The following CACNA1S variants were observed in gnomAD, a reference collection of about 807,000 sequenced individuals.
The protein encoded by CACNA1S is voltage-dependent L-type calcium channel subunit alpha-1S.
In CACNA1S, 126 loss-of-function variants were observed where a neutral mutation model predicts 207.4. That is an observed-to-expected ratio of 0.61 (90% CI 0.53 to 0.70). CACNA1S has a LOEUF of 0.70. CACNA1S is among the 30% of genes least tolerant of loss of function. CACNA1S has a pLI of 0.00. For missense variants in CACNA1S, 2,349 were observed against 2,422.8 expected (o/e 0.97, Z 0.64); for synonymous variants, 960 against 932.7 (o/e 1.03, Z -0.53).
rs769839888 is a variant in CACNA1S at position 201,043,505 on chromosome 1, C to T, written c.4824G>A (p.Val1608=). ...AGTTGGTCCTTTCCAGGAAGTTGTC[C>T]ACCTGGCCAAACAGGCCTCCAGTCC... ...FRRTGGLFGQ[V]DNFLERTNSL... The change falls in exon 40 of 44, where the codon GTG becomes GTA. Residue 1608 remains valine, a synonymous_variant. Transcript: ENST00000362061. 1 of 1,613,882 alleles carries T rather than the reference C, an allele frequency of 6.2e-7. No individual in the cohort carries two copies. The highest frequency in any genetic ancestry group is 1.7e-5 in the Admixed American group (1 of 59,986).
chr1:201,083,028 T>C, intron 10 of CACNA1S, 134 bp downstream of exon 10: 1 of 931,440 alleles, frequency 1.1e-6, no homozygotes, highest in Non-Finnish European at 1.7e-6. Context: ...GCACTCATGG[T>C]CCATAATTTT....
At chr1:201,076,039 G>A (rs554184747) in intron 12 of CACNA1S, among the ~76,000 whole-genome samples, 1 of 152,326 alleles carries the variant, frequency 6.6e-6, no homozygotes, top group South Asian at 2.1e-4. Flanking sequence ...CTACACTCCA[G>A]TCTGGGTGAC....
chr1:201,066,958 G>A lies in CACNA1S; in HGVS notation c.2586C>T (p.Ser862=), dbSNP rs1268138898. 6.2e-7 allele frequency: 1 copy of A among 1,614,186 alleles called. No individual in the cohort carries two copies. The highest frequency in any genetic ancestry group is 8.5e-7 in the Non-Finnish European group (1 of 1,179,998). Reference sequence around the variant, plus strand: ...GCATGTTGAAGTAATTGCGGCAGAAGGAACCCTTGTGCAGGAAGGCTCCGT... The same window carrying A: ...GCATGTTGAAGTAATTGCGGCAGAAAGAACCCTTGTGCAGGAAGGCTCCGT... ...TTYGAFLHKG[S]FCRNYFNMLD... The change falls in exon 20 of 44, where the codon TCC becomes TCT. Residue 862 remains serine (S), a synonymous_variant. Transcript: ENST00000362061. This position sits in a 1 kb window ranked among gnomAD's most constrained non-coding sequence, Gnocchi z 4.3.
chr1:201,083,460 C>A, intron 9 of CACNA1S, 138 bp from the exon 10 acceptor site: 8 of 846,094 alleles, frequency 9.5e-6, no homozygotes, highest in South Asian at 5.5e-5. Context: ...AAGCTCAGGG[C>A]ATGAGCTAGG....
rs1309694982 is a variant in CACNA1S, at chr1:201,061,452, T to C, written c.3070A>G (p.Ile1024Val). 2 of 1,614,206 alleles carry C rather than the reference T, an allele frequency of 1.2e-6. No individual in the cohort carries two copies. The highest frequency in any genetic ancestry group is 1.7e-6 in the Non-Finnish European group (2 of 1,180,020). Residue 1024 changes from isoleucine (I) to valine (V), a missense_variant, in exon 25 of 44, where the codon ATA becomes GTA. Ile to Val is a conservative substitution (Grantham distance 29, BLOSUM62 3). Coordinates refer to ENST00000362061, the MANE Select transcript of CACNA1S (RefSeq NM_000069.3). ...EGWPQLLYKA[I>V]DSNAEDVGPI... ...CCCACGTCCTCCGCATTGGAGTCTA[T>C]GGCCTTGTACAGCAGCCTGGGGGTG...
At chr1:201,102,953 T>C (rs1662734744) in intron 2 of CACNA1S, among the ~76,000 whole-genome samples, 2 of 152,258 alleles carry the variant, frequency 1.3e-5, no homozygotes, top group East Asian at 3.9e-4. Context: ...AGGAAGGGAA[T>C]GAACATTTAT....
chr1:201,085,726 C>A (rs1572057333), intron 7 of CACNA1S, 145 bp from the exon 8 acceptor site: 1 of 867,298 alleles, frequency 1.2e-6, no homozygotes, highest in Non-Finnish European at 1.8e-6. Flanking sequence ...GGTCCAGGTG[C>A]CCCTCAAGGT....
At position 201,083,173 on chromosome 1, in the gene CACNA1S, G is replaced by A. The variant is rs143202536; in HGVS notation, c.1382C>T (p.Thr461Ile). 4.8e-5 allele frequency: 77 copies of A among 1,614,052 alleles called. No homozygotes were observed. The African/African-American group carries it at 8.7e-4, about 18-fold the overall frequency. Residue 461 changes from threonine to isoleucine, a missense_variant, in exon 10 of 44, where the codon ACC becomes ATC. Thr to Ile is a moderately conservative substitution (Grantham distance 89). Transcript: ENST00000362061. ...CCGTTCCGCCTCACCTTGCAAACGG[G>A]TCAGCCAGAGAGGCTGGTTGTGGTG... is the stretch of plus-strand genomic sequence containing the variant. ...SEHHNQPLWL[T>I]RLQDIANRVL... is the part of the protein sequence containing the mutation.
chr1:201,041,632 G>T, intron 40 of CACNA1S, 43 bp from the exon 41 acceptor site: 2 of 1,429,966 alleles, frequency 1.4e-6, no homozygotes, highest in Non-Finnish European at 9.9e-7. Flanking sequence ...AAGGCTGCTA[G>T]CTCTCTCGGC....
chr1:201,045,244 C>A (rs1204489732), intron 38 of CACNA1S, among the ~76,000 whole-genome samples: 1 of 152,178 alleles, frequency 6.6e-6, no homozygotes, highest in African/African-American at 2.4e-5. Context: ...CAAACCCCAA[C>A]TGAGGGACAT....
chr1:201,051,011 G>A lies in CACNA1S; in HGVS notation c.4086C>T (p.Ile1362=), dbSNP rs1660628827. ...CGTNFAYYYF[I]SFYMLCAFLV... is the part of the protein sequence containing the mutation. Reference sequence around the variant, plus strand: ...GGAAGGCACAGAGCATGTAGAAGCTGATGAAGTAGTAGTATGCAAAGTTGG... The same window carrying A: ...GGAAGGCACAGAGCATGTAGAAGCTAATGAAGTAGTAGTATGCAAAGTTGG... Residue 1362 remains isoleucine (I), a synonymous_variant, in exon 33 of 44, where the codon ATC becomes ATT. Coordinates refer to ENST00000362061, the MANE Select transcript of CACNA1S (RefSeq NM_000069.3). 1.9e-6 allele frequency: 3 copies of A among 1,614,100 alleles called. No homozygotes were observed. The highest frequency in any genetic ancestry group is 1.7e-5 in the Admixed American group (1 of 60,010).
chr1:201,103,181 G>A (rs1662741630), intron 2 of CACNA1S, among the ~76,000 whole-genome samples: 1 of 151,404 alleles, frequency 6.6e-6, no homozygotes, highest in Non-Finnish European at 1.5e-5. Flanking sequence ...GGGAAGTGGA[G>A]GTTGTAGTGA....
In CACNA1S at chr1:201,050,462, C is replaced by A. The variant is rs1406078465; in HGVS notation, c.4168G>T (p.Asp1390Tyr). The change falls in exon 34 of 44, where the codon GAC becomes TAC. Residue 1390 changes from aspartate to tyrosine, a missense_variant. By Grantham distance (160) the Asp-to-Tyr change is radical. Transcript: ENST00000362061. ...IMDNFDYLTR[D>Y]WSILGPHHLD... The stretch of plus-strand genomic sequence containing the variant: ...TGATGAGGGCCCAGGATGGACCAGT[C>A]CCGGGTGAGGTAGTCAAAATTGTCC... 3.7e-6 allele frequency: 6 copies of A among 1,613,922 alleles called. No homozygotes were observed. Among genetic ancestry groups the A allele is most frequent in the Non-Finnish European group, 5.1e-6 (6 of 1,180,014 alleles).
In CACNA1S at chr1:201,089,971, G is replaced by A. The variant is rs1340284334; in HGVS notation, c.695-508C>T. On this transcript the variant is annotated intron_variant, in intron 5 of 43. Coordinates refer to ENST00000362061, the MANE Select transcript of CACNA1S (RefSeq NM_000069.3). The stretch of plus-strand genomic sequence containing the variant: ...GGAAGTTCCCACCAGGCCCGAGCCT[G>A]CACTCTCCTTTGTTCCCCTGGATGA... Among the ~76,000 whole-genome samples, 3 of 152,212 alleles carry A rather than the reference G, an allele frequency of 2.0e-5. No individual in the cohort carries two copies. In the East Asian group the frequency reaches 5.8e-4, roughly 29 times the overall value.
At chr1:201,043,948 C>T (rs889130061) in intron 39 of CACNA1S, among the ~76,000 whole-genome samples, 2 of 152,108 alleles carry the variant, frequency 1.3e-5, no homozygotes, top group African/African-American at 4.8e-5. Flanking sequence ...CATTAAAGAC[C>T]TTCCAGCAAT....
Position 201,085,571 on chromosome 1 carries a change from T to G in CACNA1S, c.1015A>C (p.Lys339Gln), listed in dbSNP as rs745515067. The change falls in exon 8 of 44, where the codon AAG (lysine) becomes CAG (glutamine). Residue 339 changes from lysine to glutamine, a missense_variant. By Grantham distance (53) the Lys-to-Gln change is moderately conservative. Transcript: ENST00000362061. Reference sequence around the variant, plus strand: ...CTGGACTTGGCCTTCTCCCGCTCCTTGGTGAATTCCCTGAAATGAGATGGG... The same window carrying G: ...CTGGACTTGGCCTTCTCCCGCTCCTGGGTGAATTCCCTGAAATGAGATGGG... Reference protein sequence around the residue: ...VLGVLSGEFTKEREKAKSRGT... With the variant: ...VLGVLSGEFTQEREKAKSRGT... The G allele has an allele frequency of 6.2e-7, 1 of 1,613,642 alleles. No individual in the cohort carries two copies. The highest frequency in any genetic ancestry group is 1.3e-5 in the African/African-American group (1 of 74,856).
At chr1:201,075,737 T>G in intron 12 of CACNA1S, 122 bp from the exon 13 acceptor site, 2 of 1,135,184 alleles carry the variant, frequency 1.8e-6, no homozygotes, top group Non-Finnish European at 2.6e-6. Context: ...CCTCTTTTCA[T>G]TCCACAGTCT....
chr1:201,053,641 AGGGGCAGGGC>A lies in CACNA1S; in HGVS notation c.3667-64_3667-55del. The A allele has an allele frequency of 2.4e-6, 2 of 847,950 alleles. No individual in the cohort carries two copies. The highest frequency in any genetic ancestry group is 3.7e-6 in the Non-Finnish European group (2 of 546,180). 52.5% of individuals were successfully genotyped at this position (847,950 alleles called of 1,614,324 possible). Reference sequence around the variant, plus strand: ...CTGGGGGCAGAACCTCAGAGGGGTAAGGGGCAGGGCGGGGAGGGAGGTGCACTGTGTGTTT... The same window carrying A: ...CTGGGGGCAGAACCTCAGAGGGGTAAGGGGAGGGAGGTGCACTGTGTGTTT... On this transcript the variant is annotated intron_variant, in intron 29 of 43. Coordinates refer to ENST00000362061, the MANE Select transcript of CACNA1S (RefSeq NM_000069.3). This position sits in a 1 kb window ranked among gnomAD's most constrained non-coding sequence, Gnocchi z 5.1.
At chr1:201,069,895 G>T (rs1222813644) in intron 17 of CACNA1S, among the ~76,000 whole-genome samples, 1 of 152,144 alleles carries the variant, frequency 6.6e-6, no homozygotes, top group Admixed American at 6.5e-5. Context: ...AATGGGACAG[G>T]CTGGTCTCTA....
Sources: gnomAD v4.1 joint callset for allele counts (sites outside exome capture counted in the v4.1 genomes callset) on GRCh38, gnomAD v4.1.1 for gene constraint, Gnocchi (gnomAD v3.1) non-coding constraint, MANE v1.5 for transcripts, NCBI Gene and HGNC (gene_info 2026-07-23, HGNC 2026-07-21) for gene names.